KCTD8: variants seen among roughly 807,000 people sequenced by gnomAD.
KCTD8 encodes the protein potassium channel tetramerization domain containing 8.
KCTD8 carries 27 observed loss-of-function variants against 31.5 expected under a neutral mutation model. The observed-to-expected ratio is 0.86, with a 90% CI of 0.63 to 1.18. The LOEUF is 1.18. KCTD8 is among the 50% of genes most tolerant of loss of function. The pLI, the probability that KCTD8 is intolerant of heterozygous loss-of-function variation, is 0.00. For missense variants in KCTD8, 658 were observed against 647.7 expected (o/e 1.02, Z -0.17); for synonymous variants, 290 against 280.0 (o/e 1.04, Z -0.36).
At chr4:44,297,372 G>T (rs902749452) in intron 1 of KCTD8, among the ~76,000 whole-genome samples, 6 of 151,778 alleles carry the variant, frequency 4.0e-5, no homozygotes, top group African/African-American at 1.2e-4. Context: ...GACATAACAT[G>T]GTCCCCTGTT....
rs1378579970 is a variant in KCTD8, at chr4:44,280,736, T to C, written c.962-105486A>G. Among the ~76,000 whole-genome samples, 7 of 152,240 alleles carry C rather than the reference T, an allele frequency of 4.6e-5. No individual in the cohort carries two copies. In the East Asian group the frequency reaches 1.2e-3, roughly 25 times the overall value. ...TGTACCATATACACTCTTTTCATTA[T>C]GATCCTATAGCACTTGGCAAAGCTA... On this transcript the variant is annotated intron_variant, in intron 1 of 1. Transcript: ENST00000360029.
At chr4:44,273,116 T>G (rs2109373712) in intron 1 of KCTD8, among the ~76,000 whole-genome samples, 1 of 152,124 alleles carries the variant, frequency 6.6e-6, no homozygotes, top group African/African-American at 2.4e-5. Context: ...ATATAACAGC[T>G]AACTTTTTAG....
intron 1 of KCTD8, among the ~76,000 whole-genome samples, chr4:44,223,062 A>C (rs1714853798): frequency 6.6e-6 from 1 of 152,224 alleles, no homozygotes; most frequent in African/African-American, 2.4e-5. Flanking sequence ...GCAATATTGG[A>C]AGCAGGGATG....
chr4:44,351,280 A>C (rs1461499373), intron 1 of KCTD8, among the ~76,000 whole-genome samples: 1 of 152,116 alleles, frequency 6.6e-6, no homozygotes, highest in Non-Finnish European at 1.5e-5. Flanking sequence ...TGTGAAATGC[A>C]TTAATAAATG....
chr4:44,435,608 T>C (rs1452032761), intron 1 of KCTD8, among the ~76,000 whole-genome samples: 1 of 152,060 alleles, frequency 6.6e-6, no homozygotes, highest in African/African-American at 2.4e-5. Context: ...CATTAATACG[T>C]AAAGAAATGC....
At chr4:44,306,787 A>C (rs1443133729) in intron 1 of KCTD8, among the ~76,000 whole-genome samples, 1 of 152,012 alleles carries the variant, frequency 6.6e-6, no homozygotes, top group East Asian at 1.9e-4. Flanking sequence ...GTAAGCAATA[A>C]AATTGGCCTT....
intron 1 of KCTD8, among the ~76,000 whole-genome samples, chr4:44,326,830 T>C (rs1015060519): frequency 2.6e-5 from 4 of 151,898 alleles, no homozygotes; most frequent in African/African-American, 9.7e-5. Context: ...AAGATTTCCA[T>C]GCATGAGTAA....
chr4:44,317,882 C>A (rs1426937725), intron 1 of KCTD8, among the ~76,000 whole-genome samples: 2 of 152,152 alleles, frequency 1.3e-5, no homozygotes, highest in African/African-American at 4.8e-5. Context: ...GGGAAGAATT[C>A]TCAGGATTTA....
At chr4:44,323,507 C>CCG (rs777916640) in intron 1 of KCTD8, among the ~76,000 whole-genome samples, 2 of 135,692 alleles carry the variant, frequency 1.5e-5, no homozygotes, top group East Asian at 2.4e-4. Flanking sequence ...CCCACCCCCC[C>CCG]CCAAAAAAAA....
At chr4:44,410,792 A>G (rs1417957474) in intron 1 of KCTD8, among the ~76,000 whole-genome samples, 1 of 152,182 alleles carries the variant, frequency 6.6e-6, no homozygotes, top group Admixed American at 6.5e-5. Context: ...ACCTGCCCCC[A>G]TGATTCAATG....
chr4:44,302,259 T>G (rs1717649329), intron 1 of KCTD8, among the ~76,000 whole-genome samples: 1 of 152,250 alleles, frequency 6.6e-6, no homozygotes, highest in African/African-American at 2.4e-5. Context: ...GTGAAGAAAG[T>G]CATTGGTAGC....
chr4:44,290,261 C>T (rs1175509805), intron 1 of KCTD8, among the ~76,000 whole-genome samples: 2 of 152,028 alleles, frequency 1.3e-5, no homozygotes, highest in Admixed American at 6.6e-5. Context: ...AACAAAAAGG[C>T]TTAACTATCC....
intron 1 of KCTD8, among the ~76,000 whole-genome samples, chr4:44,408,604 T>C (rs1049241659): frequency 3.9e-5 from 6 of 152,144 alleles, no homozygotes; most frequent in African/African-American, 1.4e-4. Context: ...TTGTAATCAC[T>C]CTTTTAGTAT....
At chr4:44,209,203 T>C (rs1381667960) in intron 1 of KCTD8, among the ~76,000 whole-genome samples, 2 of 152,114 alleles carry the variant, frequency 1.3e-5, no homozygotes, top group Non-Finnish European at 2.9e-5. Flanking sequence ...GGGATCCCTT[T>C]AGAATGGCTT....
At chr4:44,183,575 G>C (rs1209845533) in intron 1 of KCTD8, among the ~76,000 whole-genome samples, 1 of 152,168 alleles carries the variant, frequency 6.6e-6, no homozygotes, top group South Asian at 2.1e-4. Context: ...GCTTTTCCCA[G>C]TCATTTGAAT....
chr4:44,426,083 A>C (rs1020690392), intron 1 of KCTD8, among the ~76,000 whole-genome samples: 10 of 146,398 alleles, frequency 6.8e-5, no homozygotes, highest in African/African-American at 2.5e-4. Flanking sequence ...AAAAGGAAAG[A>C]AAAATTATAA....
At chr4:44,250,948 CT>C (rs1252763698) in intron 1 of KCTD8, among the ~76,000 whole-genome samples, 1 of 151,452 alleles carries the variant, frequency 6.6e-6, no homozygotes, top group African/African-American at 2.4e-5. Context: ...CATTCTTTTC[CT>C]TCATGGCTGC....
intron 1 of KCTD8, among the ~76,000 whole-genome samples, chr4:44,196,723 TC>T (rs1230564722): frequency 1.2e-4 from 19 of 152,206 alleles, no homozygotes; most frequent in Middle Eastern, 3.4e-3. Context: ...TCCCAGGGAA[TC>T]CACACTTCCC....
At chr4:44,200,718 C>A (rs1392286828) in intron 1 of KCTD8, among the ~76,000 whole-genome samples, 1 of 152,116 alleles carries the variant, frequency 6.6e-6, no homozygotes, top group Non-Finnish European at 1.5e-5. Context: ...CAGGCAAAAG[C>A]TTAAATCATT....
Sources: gnomAD v4.1 joint callset for allele counts (sites outside exome capture counted in the v4.1 genomes callset) on GRCh38, gnomAD v4.1.1 for gene constraint, MANE v1.5 for transcripts, NCBI Gene and HGNC (gene_info 2026-07-23, HGNC 2026-07-21) for gene names.